FAM13A: variants seen among roughly 807,000 people sequenced by gnomAD.
FAM13A encodes family with sequence similarity 13 member A.
In FAM13A, 76 loss-of-function variants were observed where a neutral mutation model predicts 129.6. The observed-to-expected ratio is 0.59, with a 90% CI of 0.49 to 0.71. FAM13A has a LOEUF of 0.71. Ranked by LOEUF, FAM13A falls within the 30% of genes least tolerant of loss-of-function variation. The pLI, the probability that FAM13A is intolerant of heterozygous loss-of-function variation, is 0.00. For missense variants in FAM13A, 1,108 were observed against 1,249.3 expected, an observed-to-expected ratio of 0.89 and a Z score of 1.70; for synonymous variants, 443 against 449.9, an observed-to-expected ratio of 0.98 and a Z score of 0.20.
chr4:88,747,511 A>G, intron 18 of FAM13A, 120 bp downstream of exon 18: 1 of 813,858 alleles, frequency 1.2e-6, no homozygotes, highest in African/African-American at 1.7e-5. Context: ...CTAGACACGT[A>G]ACAGCCTGGA....
At chr4:88,822,908 C>T in intron 7 of FAM13A, 4 of 1,580,864 alleles carry the variant, frequency 2.5e-6, no homozygotes, top group Non-Finnish European at 3.4e-6. Flanking sequence ...CAAGTACTGG[C>T]AAAGTTATAT....
At chr4:88,865,618 C>A (rs1740253134) in intron 6 of FAM13A, among the ~76,000 whole-genome samples, 1 of 152,176 alleles carries the variant, frequency 6.6e-6, no homozygotes. Flanking sequence ...ACATTAGGAG[C>A]TGGCAAACTT....
At chr4:88,964,818 G>T (rs1759128720) in intron 4 of FAM13A, among the ~76,000 whole-genome samples, 1 of 151,964 alleles carries the variant, frequency 6.6e-6, no homozygotes, top group African/African-American at 2.4e-5. Flanking sequence ...AGTAAAGACA[G>T]GGTTTCACCA....
At chr4:88,750,308 G>T in intron 15 of FAM13A, 116 bp downstream of exon 15, 1 of 813,056 alleles carries the variant, frequency 1.2e-6, no homozygotes, top group South Asian at 1.7e-5. Flanking sequence ...TTTCAAATAT[G>T]TTGCTCCATA....
chr4:88,807,339 T>C (rs1728768468), intron 7 of FAM13A, among the ~76,000 whole-genome samples: 1 of 152,280 alleles, frequency 6.6e-6, no homozygotes, highest in Admixed American at 6.5e-5. Flanking sequence ...ACAAATTTCA[T>C]ATCAATTATG....
intron 6 of FAM13A, among the ~76,000 whole-genome samples, chr4:88,900,923 T>C (rs1214561110): frequency 6.6e-6 from 1 of 151,952 alleles, no homozygotes; most frequent in Non-Finnish European, 1.5e-5. Context: ...AAGACACACA[T>C]AGGGTCAAAA....
At chr4:88,823,406 T>A (rs1156447358) in intron 7 of FAM13A, 1 of 867,552 alleles carries the variant, frequency 1.2e-6, no homozygotes, top group Admixed American at 5.4e-5. Flanking sequence ...CTCCTCCTGC[T>A]CCTGCTCCTC....
intron 11 of FAM13A, among the ~76,000 whole-genome samples, chr4:88,776,456 A>G (rs1721733807): frequency 6.6e-6 from 1 of 152,208 alleles, no homozygotes; most frequent in Admixed American, 6.5e-5. Flanking sequence ...TTGAGAATAT[A>G]TGAAAAGCAC....
At chr4:88,823,001 C>T (rs1732322620) in intron 7 of FAM13A, 1 of 1,613,554 alleles carries the variant, frequency 6.2e-7, no homozygotes. Context: ...ATTTCACAAG[C>T]CATTCTCGTA....
chr4:88,958,897 C>A (rs182273146), intron 4 of FAM13A, among the ~76,000 whole-genome samples: 9 of 152,294 alleles, frequency 5.9e-5, no homozygotes, highest in Admixed American at 5.9e-4. Flanking sequence ...GGTAGGGCTG[C>A]CCAAGGCCTT....
rs776750327 is a variant in FAM13A at position 88,876,203 on chromosome 4, A to C, written c.844-25020T>G. Among the ~76,000 whole-genome samples the C allele has an allele frequency of 3.3e-5, 5 of 152,276 alleles. No homozygotes were observed. In the South Asian group the frequency reaches 8.3e-4, roughly 25 times the overall value. ...AATACCTAATGCAAATGACGAGTTA[A>C]TGGGTGCAGCACACAAACATGGCAC... On this transcript the variant is annotated intron_variant, in intron 6 of 23. Transcript: ENST00000264344.
At chr4:88,804,945 T>G in intron 8 of FAM13A, 66 bp downstream of exon 8, 1 of 875,574 alleles carries the variant, frequency 1.1e-6, no homozygotes, top group Non-Finnish European at 1.9e-6. Context: ...AATGAGCAAA[T>G]AAACCCAAAG....
chr4:88,770,077 T>C (rs1720335086), intron 11 of FAM13A, among the ~76,000 whole-genome samples: 1 of 152,340 alleles, frequency 6.6e-6, no homozygotes, highest in Non-Finnish European at 1.5e-5. Flanking sequence ...ACAGTGTTTG[T>C]GTCTGCCATT....
chr4:89,037,046 T>C (rs1167101174), intron 1 of FAM13A, among the ~76,000 whole-genome samples: 4 of 152,162 alleles, frequency 2.6e-5, no homozygotes, highest in Admixed American at 2.6e-4. Context: ...AAATGTGAGA[T>C]TGGAGCCCCC....
intron 7 of FAM13A, among the ~76,000 whole-genome samples, chr4:88,824,301 G>T (rs1236985139): frequency 6.6e-6 from 1 of 152,110 alleles, no homozygotes; most frequent in Non-Finnish European, 1.5e-5. Context: ...TAGGCATGAG[G>T]TATCCCCTTC....
chr4:88,866,044 G>GTA (rs1342268972), intron 6 of FAM13A, among the ~76,000 whole-genome samples: 26 of 149,798 alleles, frequency 1.7e-4, no homozygotes, highest in Middle Eastern at 3.5e-3. Context: ...ACTAATTTTT[G>GTA]TATATATATA....
intron 14 of FAM13A, among the ~76,000 whole-genome samples, chr4:88,754,496 G>A (rs970730265): frequency 2.6e-5 from 4 of 152,242 alleles, no homozygotes; most frequent in South Asian, 4.1e-4. Context: ...AATTAAGGGG[G>A]CCGATGTTTT....
At chr4:88,854,016 C>T (rs1231856414) in intron 6 of FAM13A, among the ~76,000 whole-genome samples, 2 of 152,154 alleles carry the variant, frequency 1.3e-5, no homozygotes, top group African/African-American at 2.4e-5. Context: ...GGCTTCCCTA[C>T]TTTTGAGGTT....
At chr4:89,012,557 G>A (rs1765870756) in intron 3 of FAM13A, among the ~76,000 whole-genome samples, 1 of 152,188 alleles carries the variant, frequency 6.6e-6, no homozygotes, top group South Asian at 2.1e-4. Context: ...TAGAATCTCA[G>A]AGCTTCAGAC....
Sources: allele counts gnomAD v4.1 joint callset (sites outside exome capture counted in the v4.1 genomes callset), GRCh38; gene constraint gnomAD v4.1.1; transcripts MANE v1.5; gene names NCBI Gene and HGNC (gene_info 2026-07-23, HGNC 2026-07-21).